The following MAN2A1 variants were observed in gnomAD, a reference collection of about 807,000 sequenced individuals.
MAN2A1 encodes the protein alpha-mannosidase 2.
Under a neutral mutation model 142.6 loss-of-function variants are expected in MAN2A1, and 76 were observed. That is an observed-to-expected ratio of 0.53 (90% CI 0.44 to 0.65). The LOEUF is 0.65. MAN2A1 is among the 30% of genes least tolerant of loss of function. The probability of loss-of-function intolerance (pLI) is 0.00; values close to 1 mark genes in which losing one functional copy is unlikely to be tolerated. For synonymous variants in MAN2A1, 559 were observed against 473.2 expected, an observed-to-expected ratio of 1.18 and a Z score of -2.35; for missense variants, 1,311 against 1,365.1, an observed-to-expected ratio of 0.96 and a Z score of 0.62.
chr5:109,779,572 CACACACACACAA>C (rs893861677), intron 8 of MAN2A1, among the ~76,000 whole-genome samples: 16 of 102,002 alleles, frequency 1.6e-4, no homozygotes, highest in East Asian at 2.2e-3. Flanking sequence ...CGTGCACACA[CACACACACACAA>C]ACACACACAG....
Position 109,767,580 on chromosome 5 carries a change from C to T in MAN2A1, c.881C>T (p.Ser294Leu). The change falls in exon 6 of 22, where the codon TCA becomes TTA. Residue 294 changes from serine to leucine, a missense_variant. Ser to Leu is a moderately radical substitution (Grantham distance 145). Transcript: ENST00000261483. ...SGWAIDPFGH[S>L]PTMAYLLNRA... ...TGGGCTATTGATCCCTTTGGACACTCACCAACAATGGCTTATCTTCTAAAC... is the reference window on the plus strand; with the variant it reads ...TGGGCTATTGATCCCTTTGGACACTTACCAACAATGGCTTATCTTCTAAAC... The T allele has an allele frequency of 6.2e-7, 1 of 1,613,788 alleles. No homozygotes were observed. The highest frequency in any genetic ancestry group is 8.5e-7 in the Non-Finnish European group (1 of 1,179,746).
rs146340260 is a variant in MAN2A1 at position 109,732,699 on chromosome 5, T to C, written c.707+3186T>C. Among the ~76,000 whole-genome samples, 438 of 152,306 alleles carry C rather than the reference T, an allele frequency of 2.9e-3. 2 individuals carry two copies. The highest frequency in any genetic ancestry group is 0.01 in the African/African-American group (423 of 41,548). On this transcript the variant is annotated intron_variant, in intron 4 of 21. Transcript: ENST00000261483. The stretch of plus-strand genomic sequence containing the variant: ...GATATGTGGCATTATTTCTGAGGGC[T>C]GTGTTCTGTTCCATTGATGTATATC...
chr5:109,705,113 A>G (rs1463269933), intron 1 of MAN2A1, among the ~76,000 whole-genome samples: 2 of 152,038 alleles, frequency 1.3e-5, no homozygotes, highest in Non-Finnish European at 2.9e-5. Flanking sequence ...TTGCCCTAGC[A>G]AAAAACTCAA....
At chr5:109,850,779 A>G (rs1422949346) in intron 19 of MAN2A1, among the ~76,000 whole-genome samples, 11 of 152,232 alleles carry the variant, frequency 7.2e-5, no homozygotes, top group Non-Finnish European at 1.5e-4. Context: ...AACTCCTTGG[A>G]TAGTAATTGA....
At chr5:109,861,293 T>C (rs1478513338) in intron 20 of MAN2A1, among the ~76,000 whole-genome samples, 1 of 152,230 alleles carries the variant, frequency 6.6e-6, no homozygotes, top group East Asian at 1.9e-4. Context: ...GTAAAGGTTC[T>C]CACCTGTGAT....
At chr5:109,705,989 A>G (rs1220161980) in intron 1 of MAN2A1, among the ~76,000 whole-genome samples, 2 of 152,232 alleles carry the variant, frequency 1.3e-5, no homozygotes, top group Non-Finnish European at 2.9e-5. Flanking sequence ...AATTAATTAC[A>G]TCAGTGAAAT....
chr5:109,855,135 G>T lies in MAN2A1; in HGVS notation c.2977-5G>T. 2 of 1,518,196 alleles carry T rather than the reference G, an allele frequency of 1.3e-6. No individual in the cohort carries two copies. Among genetic ancestry groups the T allele is most frequent in the Non-Finnish European group, 8.8e-7 (1 of 1,139,652 alleles). The allele number at this position is 1,518,196 out of a possible 1,614,324, so 94.0% of individuals were successfully genotyped here. ...CTCTTAAACATTTTTGTTTTTTCTT[G>T]ATAGGAAGAAGAAAAGAAGTCGGTC... On this transcript the variant is annotated splice_polypyrimidine_tract_variant and splice_region_variant and intron_variant, in intron 19 of 21. Transcript: ENST00000261483.
Position 109,820,289 on chromosome 5 carries a change from A to G in MAN2A1, c.2398A>G (p.Ile800Val), listed in dbSNP as rs767213265. The G allele has an allele frequency of 2.8e-5, 45 of 1,612,960 alleles. 2 individuals are homozygous for G. The South Asian group carries it at 4.9e-4, about 18-fold the overall frequency. The change falls in exon 15 of 22, where the codon ATT becomes GTT. Residue 800 changes from isoleucine to valine, a missense_variant. Physicochemically the swap from Ile to Val is conservative, Grantham distance 29. Coordinates refer to ENST00000261483, the MANE Select transcript of MAN2A1 (RefSeq NM_002372.4). ...NVQFSWYGTT[I>V]KRDKSGAYLF... ...GCAATTTTCATGGTATGGAACCACA[A>G]TTAAAAGAGACAAAAGTGGTGCCTA...
rs1292884475 is a variant in MAN2A1, at chr5:109,767,707, G to A, written c.1008G>A (p.Trp336Ter). ...TGGAGTTTTTTTGGAGACAGAATTG[G>A]GGTATGTAGGGTTTGATGAAAGTTG... ...KTLEFFWRQN[W>*]DLGSVTDILC... Residue 336 changes from tryptophan to a stop codon, truncating the protein, a stop_gained and splice_region_variant, in exon 6 of 22, where the codon TGG becomes TGA. Transcript: ENST00000261483. LOFTEE classifies it high-confidence loss of function. 6.2e-7 allele frequency: 1 copy of A among 1,608,958 alleles called. No homozygotes were observed.
rs1352293028 is a variant in MAN2A1, at chr5:109,868,092, T to G, written c.*1094T>G. 1 of 152,206 alleles carries G rather than the reference T, an allele frequency of 6.6e-6. No individual in the cohort carries two copies. Among genetic ancestry groups the G allele is most frequent in the Non-Finnish European group, 1.5e-5 (1 of 68,022 alleles). 9.4% of individuals were successfully genotyped at this position (152,206 alleles called of 1,614,324 possible). A position where few individuals can be genotyped will look rare whatever the true frequency, so the allele number is the denominator to read the frequency against. ...GAAAATATTGTTAATTAAAATGTGC[T>G]GCTGCCAAGGAAACTGCAACTTGAA... On this transcript the variant is annotated 3_prime_UTR_variant, in exon 22 of 22. Transcript: ENST00000261483.
chr5:109,795,522 C>G lies in MAN2A1; in HGVS notation c.1943+5995C>G, dbSNP rs1411781518. Among the ~76,000 whole-genome samples the G allele has an allele frequency of 2.6e-5, 4 of 152,232 alleles. No homozygotes were observed. The East Asian group carries it at 7.7e-4, about 29-fold the overall frequency. ...TGAACAGTTGTAGGAATACCAAAAC[C>G]TTGGCTTGACAGTCAGTGTATTATC... On this transcript the variant is annotated intron_variant, in intron 12 of 21. Coordinates refer to ENST00000261483, the MANE Select transcript of MAN2A1 (RefSeq NM_002372.4).
intron 12 of MAN2A1, among the ~76,000 whole-genome samples, chr5:109,811,545 C>T (rs1199317410): frequency 2.7e-5 from 4 of 149,446 alleles, no homozygotes; most frequent in African/African-American, 1.0e-4. Flanking sequence ...TGATTGGTCT[C>T]CTGAAGATTG....
chr5:109,775,998 AG>A (rs1753280843), intron 8 of MAN2A1, among the ~76,000 whole-genome samples: 1 of 151,938 alleles, frequency 6.6e-6, no homozygotes, highest in Admixed American at 6.6e-5. Flanking sequence ...TGATCAAATC[AG>A]GGTATTTAGG....
At chr5:109,754,274 AT>A (rs568422782) in intron 4 of MAN2A1, among the ~76,000 whole-genome samples, 5 of 149,806 alleles carry the variant, frequency 3.3e-5, no homozygotes, top group African/African-American at 9.8e-5. Context: ...ATAGTTAATG[AT>A]TTTTTTTTTC....
intron 1 of MAN2A1, among the ~76,000 whole-genome samples, chr5:109,710,755 AT>A (rs1275525182): frequency 2.0e-5 from 3 of 151,586 alleles, no homozygotes; most frequent in Admixed American, 2.0e-4. Context: ...CAATGGTGCG[AT>A]CTTGGCTCAC....
intron 1 of MAN2A1, among the ~76,000 whole-genome samples, chr5:109,710,697 T>C (rs542028284): frequency 8.1e-6 from 1 of 123,396 alleles, no homozygotes; most frequent in Non-Finnish European, 1.7e-5. Flanking sequence ...TATTTACCTA[T>C]TTTTTTTTTT....
chr5:109,847,113 A>G (rs1317101820), intron 18 of MAN2A1, among the ~76,000 whole-genome samples: 1 of 152,190 alleles, frequency 6.6e-6, no homozygotes, highest in East Asian at 1.9e-4. Flanking sequence ...GAAAACATAA[A>G]ACATCTTTGT....
chr5:109,830,966 T>C (rs1246280503), intron 16 of MAN2A1, among the ~76,000 whole-genome samples: 1 of 152,164 alleles, frequency 6.6e-6, no homozygotes, highest in East Asian at 1.9e-4. Flanking sequence ...CAAAGAAGCA[T>C]CATCCCCTAC....
At chr5:109,802,847 C>T (rs78352139) in intron 12 of MAN2A1, among the ~76,000 whole-genome samples, 3,406 of 151,972 alleles carry the variant, frequency 0.022, 137 homozygotes, top group African/African-American at 0.078. Context: ...TTCATTTTTT[C>T]AAAAGATTTA....
Sources: gnomAD v4.1 joint callset for allele counts (sites outside exome capture counted in the v4.1 genomes callset) on GRCh38, gnomAD v4.1.1 for gene constraint, MANE v1.5 for transcripts, NCBI Gene and HGNC (gene_info 2026-07-23, HGNC 2026-07-21) for gene names.